DUX4: variants seen among roughly 807,000 people sequenced by gnomAD.
The protein encoded by DUX4 is double homeobox protein 4.
downstream of DUX4, among the ~76,000 whole-genome samples, chr4:190,176,167 C>T (rs1308876582): frequency 2.4e-4 from 27 of 112,562 alleles, 6 homozygotes; most frequent in South Asian, 2.5e-3. Context: ...TCACAAAGCC[C>T]CTATAAGCCA....
downstream of DUX4, among the ~76,000 whole-genome samples, chr4:190,177,945 C>T (rs1579833521): frequency 9.3e-5 from 14 of 151,304 alleles, no homozygotes; most frequent in Non-Finnish European, 7.4e-5. Context: ...ACAATGTCTC[C>T]AGTAGGCAGA....
chr4:190,179,165 G>A (rs1742480693), downstream of DUX4, among the ~76,000 whole-genome samples: 2,604 of 107,928 alleles, frequency 0.024, no homozygotes, highest in East Asian at 0.039. Context: ...GAGATACATT[G>A]CAATGCCCCT....
Position 190,183,607 on chromosome 4 carries a change from A to G in DUX4, n.93-1734A>G, listed in dbSNP as rs1422483189. 7.4e-5 allele frequency among the ~76,000 whole-genome samples: 8 copies of G among 107,788 alleles called. 1 individual carries two copies. The highest frequency in any genetic ancestry group is 2.1e-4 in the African/African-American group (8 of 37,264). The allele number at this position is 107,788 out of a possible 152,430, so 70.7% of individuals were successfully genotyped here. On this transcript the variant is annotated intron_variant and non_coding_transcript_variant, in intron 1 of 2. Coordinates refer to the DUX4 transcript ENST00000563716. ...GTGACTTTCCCAGGGTCACACAGCTACTAATAGCAGAGTAGTGTTTAGATT... is the reference window on the plus strand; with the variant it reads ...GTGACTTTCCCAGGGTCACACAGCTGCTAATAGCAGAGTAGTGTTTAGATT...
Position 190,181,761 on chromosome 4 carries a change from A to C in DUX4, n.93-3580A>C. Among the ~76,000 whole-genome samples, 3 of 150,992 alleles carry C rather than the reference A, an allele frequency of 2.0e-5. No homozygotes were observed. In the South Asian group the frequency reaches 6.4e-4, roughly 32 times the overall value. ...TGGGTGATCAGTGCAGAGATATGTA[A>C]CAATGCCCCCAGTAGGCAGAGCCTA... On this transcript the variant is annotated intron_variant and non_coding_transcript_variant, in intron 1 of 2. Coordinates refer to the DUX4 transcript ENST00000563716.
Position 190,175,698 on chromosome 4 carries a change from C to A in DUX4, c.*288C>A. 6.0e-6 allele frequency: 1 copy of A among 167,352 alleles called. No individual in the cohort carries two copies. The highest frequency in any genetic ancestry group is 1.1e-5 in the Non-Finnish European group (1 of 87,700). 10.4% of individuals were successfully genotyped at this position (167,352 alleles called of 1,614,324 possible). ...GACGTGCAAGGGAGCTCGCTGGCCT[C>A]TCTGTGCCCTTGTTCTTCCGTGAAA... On this transcript the variant is annotated 3_prime_UTR_variant, in exon 2 of 2. Coordinates refer to ENST00000565211, the MANE Select transcript of DUX4 (RefSeq NM_001306068.3).
chr4:190,181,589 T>G (rs1579837808), intron 1 of DUX4, among the ~76,000 whole-genome samples: 1 of 96,656 alleles, frequency 1.0e-5, no homozygotes, highest in Non-Finnish European at 2.0e-5. Context: ...TAGTCAAGCG[T>G]TACATCACCT....
intron 1 of DUX4, among the ~76,000 whole-genome samples, chr4:190,183,891 T>G (rs1742635664): frequency 4.1e-5 from 5 of 120,706 alleles, no homozygotes; most frequent in African/African-American, 1.3e-4. Flanking sequence ...GCTGGTGGAG[T>G]CTGAAATTGT....
downstream of DUX4, among the ~76,000 whole-genome samples, chr4:190,176,867 T>C (rs1255668734): frequency 9.9e-6 from 1 of 101,256 alleles, no homozygotes; most frequent in South Asian, 3.5e-4. Context: ...GCAAAGCCCA[T>C]ACAAGGTTTA....
At chr4:190,178,240 A>G (rs2126572253), downstream of DUX4, among the ~76,000 whole-genome samples, 1 of 152,026 alleles carries the variant, frequency 6.6e-6, no homozygotes, top group African/African-American at 2.4e-5. Flanking sequence ...AGCATAGAGA[A>G]GAGTTGCATC....
chr4:190,181,453 T>A (rs1742571532), intron 1 of DUX4, among the ~76,000 whole-genome samples: 1 of 143,960 alleles, frequency 6.9e-6, no homozygotes, highest in Non-Finnish European at 1.6e-5. Context: ...TAAGCAAGAG[T>A]TACATCACCT....
At chr4:190,181,258 T>TGGG in intron 1 of DUX4, among the ~76,000 whole-genome samples, 1 of 150,690 alleles carries the variant, frequency 6.6e-6, no homozygotes, top group African/African-American at 2.4e-5. Context: ...GTCTGTCACC[T>TGGG]GGGTGATCAG....
In DUX4 at chr4:190,175,153, C is replaced by G. The variant is rs1579828966; in HGVS notation, c.*105C>G. The G allele has an allele frequency of 1.7e-5, 2 of 116,340 alleles. No homozygotes were observed. The highest frequency in any genetic ancestry group is 3.4e-5 in the Non-Finnish European group (2 of 57,976). 7.2% of individuals were successfully genotyped at this position (116,340 alleles called of 1,614,324 possible). On this transcript the variant is annotated 3_prime_UTR_variant, in exon 1 of 2. Coordinates refer to ENST00000565211, the MANE Select transcript of DUX4 (RefSeq NM_001306068.3). ...GGAGGGGCGTGTCTCCGCCCCGCCC[C>G]CTCCACCGGGCTGACCGGCCTGGGA... is the stretch of plus-strand genomic sequence containing the variant.
chr4:190,175,928 C>G (rs1249125981), downstream of DUX4: 5 of 124,324 alleles, frequency 4.0e-5, 1 homozygote, highest in African/African-American at 7.9e-5. Flanking sequence ...ATTTACAGAA[C>G]TTCGGTGATC....
At chr4:190,179,488 A>G (rs1742497550), downstream of DUX4, among the ~76,000 whole-genome samples, 10 of 121,614 alleles carry the variant, frequency 8.2e-5, no homozygotes, top group African/African-American at 1.8e-4. Context: ...CACCTGGGTG[A>G]TCAGTGCAGA....
At chr4:190,176,018 A>G (rs1280774586), downstream of DUX4, among the ~76,000 whole-genome samples, 1 of 110,840 alleles carries the variant, frequency 9.0e-6, no homozygotes, top group African/African-American at 2.6e-5. Flanking sequence ...GTGTAGAGAT[A>G]TGTTAAAATT....
intron 1 of DUX4, chr4:190,182,095 T>C (rs1237673794): frequency 8.3e-6 from 1 of 120,212 alleles, no homozygotes; most frequent in African/African-American, 2.5e-5. Flanking sequence ...AGTGTAGAGA[T>C]ATGTCACAAT....
chr4:190,178,837 G>C (rs1579834778), downstream of DUX4, among the ~76,000 whole-genome samples: 171 of 150,658 alleles, frequency 1.1e-3, no homozygotes, highest in Middle Eastern at 3.5e-3. Context: ...CAATTCCCCT[G>C]TAGGCAGAGC....
chr4:190,178,885 A>AGCTT (rs1415331305), downstream of DUX4, among the ~76,000 whole-genome samples: 1 of 99,554 alleles, frequency 1.0e-5, no homozygotes, highest in Non-Finnish European at 2.1e-5. Context: ...ATCAGTGCAG[A>AGCTT]TCTATGTCAC....
At chr4:190,183,725 T>C (rs1487349116) in intron 1 of DUX4, among the ~76,000 whole-genome samples, 1 of 102,514 alleles carries the variant, frequency 9.8e-6, no homozygotes, top group African/African-American at 2.7e-5. Flanking sequence ...TTAAGGAAAA[T>C]ATGCTAATTT....
Sources: allele counts gnomAD v4.1 joint callset (sites outside exome capture counted in the v4.1 genomes callset), GRCh38; gene constraint gnomAD v4.1.1; transcripts MANE v1.5; gene names NCBI Gene and HGNC (gene_info 2026-07-23, HGNC 2026-07-21).